Variants in AMDHD1 observed in about 807,000 individuals in gnomAD.
AMDHD1 encodes the protein probable imidazolonepropionase.
A neutral mutation model predicts 44.1 loss-of-function variants in AMDHD1; 45 were observed. That is an observed-to-expected ratio of 1.02 (90% CI 0.80 to 1.31). The LOEUF is 1.31. Ranked by LOEUF, AMDHD1 falls within the 50% of genes most tolerant of loss-of-function variation. AMDHD1 has a pLI of 0.00. For missense variants in AMDHD1, 586 were observed against 552.1 expected, an observed-to-expected ratio of 1.06 and a Z score of -0.61; for synonymous variants, 206 against 205.0, an observed-to-expected ratio of 1.00 and a Z score of -0.04.
At chr12:95,967,713 C>T (rs1474494865) in intron 8 of AMDHD1, 43 bp from the exon 9 acceptor site, 1 of 1,389,000 alleles carries the variant, frequency 7.2e-7, no homozygotes. Context: ...TTTTTACTTG[C>T]ACACATTGAA....
Position 95,943,453 on chromosome 12 carries a change from T to A in AMDHD1, c.55T>A (p.Cys19Ser), listed in dbSNP as rs2080475161. The change falls in exon 1 of 9, where the codon TGC becomes AGC. Residue 19 changes from cysteine (C) to serine (S), a missense_variant. Physicochemically the swap from Cys to Ser is moderately radical, Grantham distance 112. Transcript: ENST00000266736. Reference sequence around the variant, plus strand: ...GAACGCGCAGCAAGTGGTGCTGGTGTGCGCCCGCGGCGAGCGCTTCCTGGC... The same window carrying A: ...GAACGCGCAGCAAGTGGTGCTGGTGAGCGCCCGCGGCGAGCGCTTCCTGGC... Reference protein sequence around the residue: ...LENAQQVVLVCARGERFLARD... With the variant: ...LENAQQVVLVSARGERFLARD... 5.3e-6 allele frequency: 8 copies of A among 1,504,220 alleles called. No homozygotes were observed. The highest frequency in any genetic ancestry group is 7.1e-6 in the Non-Finnish European group (8 of 1,131,562). The allele number at this position is 1,504,220 out of a possible 1,614,324, so 93.2% of individuals were successfully genotyped here.
At position 95,966,330 on chromosome 12, in the gene AMDHD1, TTTCTC is replaced by T. The variant is rs767440686; in HGVS notation, c.1033-14_1033-10del. 1.4e-4 allele frequency: 218 copies of T among 1,612,300 alleles called. No individual in the cohort carries two copies. Among genetic ancestry groups the T allele is most frequent in the Non-Finnish European group, 1.7e-4 (203 of 1,178,702 alleles). On this transcript the variant is annotated splice_polypyrimidine_tract_variant and intron_variant, in intron 7 of 8. Transcript: ENST00000266736. The stretch of plus-strand genomic sequence containing the variant: ...CCATATGTCACTTTCCTCCAACACT[TTTCTC>T]TTCCTGCCTTAGCCAATGGTCATGC...
chr12:95,966,935 T>C (rs2080614165), intron 8 of AMDHD1, among the ~76,000 whole-genome samples: 1 of 152,238 alleles, frequency 6.6e-6, no homozygotes, highest in Non-Finnish European at 1.5e-5. Context: ...TTGTTCCTGG[T>C]GACTTATCAC....
intron 3 of AMDHD1, 40 bp from the exon 4 acceptor site, chr12:95,956,645 T>G (rs2080551264): frequency 6.2e-7 from 1 of 1,602,390 alleles, no homozygotes; most frequent in Middle Eastern, 1.7e-4. Flanking sequence ...CCCTGCAACT[T>G]CCTGGCATGT....
chr12:95,952,963 A>G, intron 2 of AMDHD1, 140 bp downstream of exon 2: 1 of 576,750 alleles, frequency 1.7e-6, no homozygotes, highest in South Asian at 2.3e-5. Flanking sequence ...TTGAATTTCT[A>G]TTATTGAATG....
At position 95,947,730 on chromosome 12, in the gene AMDHD1, C is replaced by T. The variant is rs1337046414; in HGVS notation, c.137+4195C>T. ...AGGGAGATGGGGGGGTCAGCCCCCC[C>T]ACCCGGCCAGCCGCCCCGTCCGGGA... On this transcript the variant is annotated intron_variant, in intron 1 of 8. Coordinates refer to ENST00000266736, the MANE Select transcript of AMDHD1 (RefSeq NM_152435.3). Among the ~76,000 whole-genome samples, 17 of 55,268 alleles carry T rather than the reference C, an allele frequency of 3.1e-4. 2 individuals carry two copies. The highest frequency in any genetic ancestry group is 4.9e-4 in the Non-Finnish European group (15 of 30,332). The allele number at this position is 55,268 out of a possible 152,430, so 36.3% of individuals were successfully genotyped here.
intron 1 of AMDHD1, among the ~76,000 whole-genome samples, chr12:95,951,353 T>C (rs2136761370): frequency 6.6e-6 from 1 of 152,376 alleles, no homozygotes. Context: ...TGTCTTTCTG[T>C]GCCTGGCTTA....
intron 7 of AMDHD1, among the ~76,000 whole-genome samples, chr12:95,966,051 C>T (rs1013193885): frequency 6.6e-6 from 1 of 152,126 alleles, no homozygotes; most frequent in Non-Finnish European, 1.5e-5. Flanking sequence ...TTTCCTTTCT[C>T]CAGAGAATAG....
At chr12:95,954,829 CA>C in intron 2 of AMDHD1, 81 bp from the exon 3 acceptor site, 1 of 1,290,184 alleles carries the variant, frequency 7.8e-7, no homozygotes, top group Non-Finnish European at 1.1e-6. Flanking sequence ...CCCAGAGCAG[CA>C]GGGTATAGTG....
chr12:95,947,771 CAGCCCCCCGCCT>C (rs1212636550), intron 1 of AMDHD1, among the ~76,000 whole-genome samples: 1 of 81,470 alleles, frequency 1.2e-5, no homozygotes, highest in African/African-American at 4.7e-5. Flanking sequence ...GTGGGGGGGT[CAGCCCCCCGCCT>C]GGCCAGCCGC....
intron 4 of AMDHD1, among the ~76,000 whole-genome samples, chr12:95,959,962 C>CTTTTTGTAT (rs57920753): frequency 7.2e-6 from 1 of 139,216 alleles, no homozygotes; most frequent in African/African-American, 2.5e-5. Context: ...TGCCCCGATA[C>CTTTTTGTAT]TTTTAGTAGA....
At chr12:95,947,791 C>G (rs1299106733) in intron 1 of AMDHD1, among the ~76,000 whole-genome samples, 4 of 91,676 alleles carry the variant, frequency 4.4e-5, no homozygotes, top group Non-Finnish European at 9.1e-5. Flanking sequence ...CCTGGCCAGC[C>G]GCCCCGTCCG....
At chr12:95,951,911 C>T (rs999183299) in intron 1 of AMDHD1, among the ~76,000 whole-genome samples, 1 of 152,078 alleles carries the variant, frequency 6.6e-6, no homozygotes, top group Non-Finnish European at 1.5e-5. Context: ...GATCTTTTGT[C>T]CATTTCTTAA....
In AMDHD1 at chr12:95,968,255, G is replaced by A. The variant is rs11108355; in HGVS notation, c.*412G>A. The A allele has an allele frequency of 8.7e-3, 1,361 of 157,012 alleles. 22 individuals are homozygous for A. The highest frequency in any genetic ancestry group is 0.031 in the African/African-American group (1,289 of 41,536). 9.7% of individuals were successfully genotyped at this position (157,012 alleles called of 1,614,324 possible). A position where few individuals can be genotyped will look rare whatever the true frequency, so the allele number is the denominator to read the frequency against. ...GGATCGAAAGAAATCTAAGTGATAC[G>A]CCCCAATGAAGCTAAAATATAGCCT... On this transcript the variant is annotated 3_prime_UTR_variant, in exon 9 of 9. Coordinates refer to ENST00000266736, the MANE Select transcript of AMDHD1 (RefSeq NM_152435.3).
chr12:95,960,925 G>A (rs2080578290), intron 5 of AMDHD1, among the ~76,000 whole-genome samples: 2 of 152,160 alleles, frequency 1.3e-5, no homozygotes, highest in Non-Finnish European at 1.5e-5. Flanking sequence ...GCCGAGGTGG[G>A]TTGATCACGA....
At chr12:95,960,305 A>T in intron 4 of AMDHD1, 93 bp from the exon 5 acceptor site, 1 of 1,064,980 alleles carries the variant, frequency 9.4e-7, no homozygotes, top group Non-Finnish European at 1.4e-6. Flanking sequence ...ATTTACCTCT[A>T]CTGCTCCTCA....
At chr12:95,962,502 A>AC (rs5800239) in intron 6 of AMDHD1, 23 bp downstream of exon 6, 1,044,570 of 1,583,184 alleles carry the variant, frequency 0.66, 347,850 homozygotes, top group East Asian at 0.94. Context: ...CTCACCCCAG[A>AC]CCAAGAGCTG....
In AMDHD1 at chr12:95,965,726, G is replaced by A. The variant is rs143399547; in HGVS notation, c.979G>A (p.Val327Ile). Residue 327 changes from valine to isoleucine, a missense_variant, in exon 7 of 9, where the codon GTA (valine) becomes ATA (isoleucine). Val to Ile is a conservative substitution (Grantham distance 29). Transcript: ENST00000266736. ...PRARKMLDEGVIVALGSDFNP... is the reference protein window; with the variant it reads ...PRARKMLDEGIIVALGSDFNP... ...AGCCAGGAAGATGTTAGATGAAGGA[G>A]TAATAGTTGCTCTGGGAAGTGATTT... is the stretch of plus-strand genomic sequence containing the variant. The A allele has an allele frequency of 4.2e-5, 68 of 1,613,294 alleles. No individual in the cohort carries two copies. The Admixed American group carries it at 1.1e-3, about 26-fold the overall frequency.
Position 95,966,361 on chromosome 12 carries a change from A to G in AMDHD1, c.1046A>G (p.His349Arg), listed in dbSNP as rs139392418. ...TTCCTGCCTTAGCCAATGGTCATGC[A>G]TCTGGCCTGTGTAAACATGAGAATG... ...AYCFSMPMVMHLACVNMRMSM... is the reference protein window; with the variant it reads ...AYCFSMPMVMRLACVNMRMSM... The change falls in exon 8 of 9, where the codon CAT becomes CGT. Residue 349 changes from histidine to arginine, a missense_variant. His to Arg is a conservative substitution (Grantham distance 29). Coordinates refer to ENST00000266736, the MANE Select transcript of AMDHD1 (RefSeq NM_152435.3). 1.2e-6 allele frequency: 2 copies of G among 1,614,112 alleles called. No homozygotes were observed. Among genetic ancestry groups the G allele is most frequent in the African/African-American group, 1.3e-5 (1 of 74,928 alleles).
Sources: allele counts gnomAD v4.1 joint callset (sites outside exome capture counted in the v4.1 genomes callset), GRCh38; gene constraint gnomAD v4.1.1; transcripts MANE v1.5; gene names NCBI Gene and HGNC (gene_info 2026-07-23, HGNC 2026-07-21).